The following PCBP3 variants were observed in gnomAD, a reference collection of about 807,000 sequenced individuals.
PCBP3 encodes the protein poly(rC)-binding protein 3.
In PCBP3, 25 loss-of-function variants were observed where a neutral mutation model predicts 52.7. That is an observed-to-expected ratio of 0.47 (90% CI 0.35 to 0.66). The LOEUF is 0.66. Among genes scored for constraint, PCBP3 ranks in the 30% least tolerant of loss-of-function variants. The pLI, the probability that PCBP3 is intolerant of heterozygous loss-of-function variation, is 0.01. For missense variants in PCBP3, 391 were observed against 490.3 expected (o/e 0.80, Z 1.91); for synonymous variants, 162 against 183.0 (o/e 0.89, Z 0.93).
At chr21:45,658,274 T>C (rs925223016) in intron 1 of PCBP3, among the ~76,000 whole-genome samples, 22 of 152,162 alleles carry the variant, frequency 1.4e-4, no homozygotes, top group African/African-American at 5.3e-4. Context: ...TAATCCTTTT[T>C]ATATATTGGT....
At chr21:45,698,369 G>A (rs1349456437) in intron 2 of PCBP3, among the ~76,000 whole-genome samples, 1 of 152,248 alleles carries the variant, frequency 6.6e-6, no homozygotes, top group Non-Finnish European at 1.5e-5. Flanking sequence ...GGGGACACAT[G>A]CTTCTTGAGG....
At chr21:45,646,197 T>G (rs2079303697) in intron 1 of PCBP3, among the ~76,000 whole-genome samples, 1 of 151,162 alleles carries the variant, frequency 6.6e-6, no homozygotes, top group African/African-American at 2.4e-5. Flanking sequence ...TTAAAATTAA[T>G]TTCAGAATTC....
intron 2 of PCBP3, among the ~76,000 whole-genome samples, chr21:45,699,126 C>A (rs2082958457): frequency 6.6e-6 from 1 of 152,136 alleles, no homozygotes; most frequent in African/African-American, 2.4e-5. Context: ...AGTCTTCATA[C>A]CCCAAGGTAA....
At chr21:45,841,935 T>A (rs1459665632) in intron 4 of PCBP3, among the ~76,000 whole-genome samples, 1 of 152,242 alleles carries the variant, frequency 6.6e-6, no homozygotes, top group Non-Finnish European at 1.5e-5. Flanking sequence ...CCTCTCACTC[T>A]CCACGCTGAG....
In PCBP3 at chr21:45,802,872, G is replaced by A. The variant is rs980528946; in HGVS notation, c.-125-47089G>A. ...GAGGGAAAAGCTTTTAACCCTTGTC[G>A]TGTATAAACGACTCACTAGGTCTTG... On this transcript the variant is annotated intron_variant, in intron 4 of 17. Transcript: ENST00000681687. The surrounding 1 kb of genome is among the most constrained non-coding windows in gnomAD (Gnocchi z 5.1). Among the ~76,000 whole-genome samples the A allele has an allele frequency of 3.9e-5, 6 of 152,210 alleles. No homozygotes were observed. Among genetic ancestry groups the A allele is most frequent in the Middle Eastern group, 3.2e-3 (1 of 316 alleles).
intron 6 of PCBP3, among the ~76,000 whole-genome samples, chr21:45,898,196 C>T (rs73907908): frequency 0.016 from 2,387 of 152,268 alleles, 74 homozygotes; most frequent in African/African-American, 0.054. Context: ...CCAGCAGCAG[C>T]GGCCATGCCA....
chr21:45,877,502 A>T (rs1281399763), intron 5 of PCBP3, among the ~76,000 whole-genome samples: 2 of 152,224 alleles, frequency 1.3e-5, no homozygotes, highest in Non-Finnish European at 2.9e-5. Flanking sequence ...TTGCCAATTT[A>T]ATCAATATAA....
chr21:45,804,594 A>G (rs2146844433), intron 4 of PCBP3, among the ~76,000 whole-genome samples: 1 of 152,206 alleles, frequency 6.6e-6, no homozygotes, highest in African/African-American at 2.4e-5. Flanking sequence ...CCCTTGGTCC[A>G]TTGCCTGGGC....
chr21:45,771,817 C>T (rs2089892824), intron 4 of PCBP3, among the ~76,000 whole-genome samples: 2 of 152,164 alleles, frequency 1.3e-5, no homozygotes, highest in Non-Finnish European at 2.9e-5. Context: ...ACTGTCTTTC[C>T]TCTCAGTCAG....
intron 10 of PCBP3, 129 bp from the exon 11 acceptor site, chr21:45,910,773 G>T: frequency 1.2e-6 from 1 of 826,118 alleles, no homozygotes; most frequent in South Asian, 1.9e-5. Context: ...TGGGGGAGGG[G>T]GCGCGTGGGC....
chr21:45,660,383 A>C (rs998181837), intron 1 of PCBP3, among the ~76,000 whole-genome samples: 1 of 152,112 alleles, frequency 6.6e-6, no homozygotes, highest in Non-Finnish European at 1.5e-5. Context: ...TGTATACTAC[A>C]TATAACTGAA....
chr21:45,804,476 C>T lies in PCBP3; in HGVS notation c.-125-45485C>T, dbSNP rs78230225. 1.6e-3 allele frequency among the ~76,000 whole-genome samples: 249 copies of T among 152,138 alleles called. 1 individual carries two copies. The highest frequency in any genetic ancestry group is 5.7e-3 in the African/African-American group (238 of 41,498). ...AAAACCAAAAGCCATGGAAATGAGC[C>T]GGGGAGCTTACTGAAGATCCTAGTC... On this transcript the variant is annotated intron_variant, in intron 4 of 17. Transcript: ENST00000681687.
intron 4 of PCBP3, chr21:45,762,865 T>C (rs1389216054): frequency 6.6e-6 from 1 of 152,228 alleles, no homozygotes; most frequent in African/African-American, 2.4e-5. Flanking sequence ...TGAGGACTTC[T>C]TGGATTTTCC....
chr21:45,763,575 G>A (rs2088946729), intron 4 of PCBP3: 1 of 152,308 alleles, frequency 6.6e-6, no homozygotes, highest in South Asian at 2.1e-4. Context: ...AACGCCTGTA[G>A]GATAAGAATA....
intron 2 of PCBP3, among the ~76,000 whole-genome samples, chr21:45,710,468 C>G (rs1372812405): frequency 6.6e-6 from 1 of 152,118 alleles, no homozygotes; most frequent in Non-Finnish European, 1.5e-5. Flanking sequence ...ATCCATGTCC[C>G]TAGAAAGGAC....
At chr21:45,697,378 T>A (rs1016511898) in intron 2 of PCBP3, among the ~76,000 whole-genome samples, 3 of 152,230 alleles carry the variant, frequency 2.0e-5, no homozygotes, top group African/African-American at 7.2e-5. Flanking sequence ...AGCACAAACT[T>A]GTGGAGAATA....
chr21:45,669,787 TTGTGTGTG>T (rs1224298314), intron 2 of PCBP3, among the ~76,000 whole-genome samples: 1 of 78,996 alleles, frequency 1.3e-5, no homozygotes, highest in African/African-American at 5.2e-5. Context: ...TAATATTCCA[TTGTGTGTG>T]TGTGTGTGTG....
intron 1 of PCBP3, among the ~76,000 whole-genome samples, chr21:45,660,242 A>G (rs1406207565): frequency 6.6e-6 from 1 of 152,054 alleles, no homozygotes; most frequent in Non-Finnish European, 1.5e-5. Context: ...TGTAATAACA[A>G]TTTTTGTATT....
chr21:45,670,949 C>A (rs1464019749), intron 2 of PCBP3, among the ~76,000 whole-genome samples: 1 of 152,178 alleles, frequency 6.6e-6, no homozygotes, highest in Admixed American at 6.5e-5. Flanking sequence ...ATCCTCTAGG[C>A]CCAGCTTCCT....
Sources: gnomAD v4.1 joint callset for allele counts (sites outside exome capture counted in the v4.1 genomes callset) on GRCh38, gnomAD v4.1.1 for gene constraint, Gnocchi (gnomAD v3.1) non-coding constraint, MANE v1.5 for transcripts, NCBI Gene and HGNC (gene_info 2026-07-23, HGNC 2026-07-21) for gene names.